The following CNPY1 variants were observed in gnomAD, a reference collection of about 807,000 sequenced individuals.
CNPY1 encodes the protein protein canopy homolog 1.
Under a neutral mutation model 14.4 loss-of-function variants are expected in CNPY1, and 14 were observed. The ratio of observed to expected loss-of-function variants is 0.97; its 90% confidence interval spans 0.64 to 1.52. The LOEUF is 1.52. Among genes scored for constraint, CNPY1 ranks in the 40% most tolerant of loss-of-function variants. The pLI, the probability that CNPY1 is intolerant of heterozygous loss-of-function variation, is 0.00. For synonymous variants in CNPY1, 43 were observed against 46.5 expected, an observed-to-expected ratio of 0.92 and a Z score of 0.31; for missense variants, 129 against 131.5, an observed-to-expected ratio of 0.98 and a Z score of 0.09.
rs528656087 is a variant in CNPY1, at chr7:155,530,954, C to T, written c.99+14877G>A. The stretch of plus-strand genomic sequence containing the variant: ...CCAGTTGAGAACCACTGGCATAGAA[C>T]CTAGGTCCAAAAGTAGAAACTTGGG... On this transcript the variant is annotated intron_variant, in intron 2 of 4. Coordinates refer to ENST00000636446, the MANE Select transcript of CNPY1 (RefSeq NM_001393663.1). 9.8e-5 allele frequency among the ~76,000 whole-genome samples: 15 copies of T among 152,344 alleles called. No individual in the cohort carries two copies. In the South Asian group the frequency reaches 3.1e-3, roughly 32 times the overall value.
intron 2 of CNPY1, among the ~76,000 whole-genome samples, chr7:155,512,769 A>G (rs1387060654): frequency 6.6e-6 from 1 of 152,246 alleles, no homozygotes; most frequent in Non-Finnish European, 1.5e-5. Flanking sequence ...ACAACCTCCA[A>G]TAAATTTCAC....
intron 2 of CNPY1, among the ~76,000 whole-genome samples, chr7:155,527,162 C>T (rs1460168682): frequency 1.3e-5 from 2 of 150,942 alleles, no homozygotes; most frequent in Non-Finnish European, 2.9e-5. Flanking sequence ...AGCGATGCTC[C>T]TGCCTCAGCC....
chr7:155,502,951 G>A lies in CNPY1; in HGVS notation c.*117C>T, dbSNP rs971227141. ...ATGAATCATAAACGGAGACAAACACGGTATAAACAAGAGACAAAATTTTTC... is the reference window on the plus strand; with the variant it reads ...ATGAATCATAAACGGAGACAAACACAGTATAAACAAGAGACAAAATTTTTC... On this transcript the variant is annotated 3_prime_UTR_variant, in exon 5 of 5. Transcript: ENST00000636446. 8.3e-5 allele frequency: 68 copies of A among 816,716 alleles called. No homozygotes were observed. In the African/African-American group the frequency reaches 9.3e-4, roughly 11 times the overall value. 50.6% of individuals were successfully genotyped at this position (816,716 alleles called of 1,614,324 possible).
At chr7:155,520,887 G>A (rs1029383433) in intron 2 of CNPY1, among the ~76,000 whole-genome samples, 1 of 152,130 alleles carries the variant, frequency 6.6e-6, no homozygotes, top group African/African-American at 2.4e-5. Flanking sequence ...AGCACTTTGG[G>A]AGGCCGAGGC....
chr7:155,515,637 T>C (rs1199295862), intron 2 of CNPY1, among the ~76,000 whole-genome samples: 1 of 151,588 alleles, frequency 6.6e-6, no homozygotes, highest in Non-Finnish European at 1.5e-5. Context: ...AACGAGGAGA[T>C]TCGGGGATTT....
chr7:155,532,708 T>G (rs983549292), intron 2 of CNPY1, among the ~76,000 whole-genome samples: 2 of 152,232 alleles, frequency 1.3e-5, no homozygotes, highest in Non-Finnish European at 2.9e-5. Context: ...GAGAATTTTT[T>G]TTTTCAATCA....
intron 2 of CNPY1, among the ~76,000 whole-genome samples, chr7:155,522,939 C>T (rs1339854505): frequency 6.6e-6 from 1 of 152,184 alleles, no homozygotes; most frequent in African/African-American, 2.4e-5. Context: ...ATCCAGCCTC[C>T]CTGTATGGGA....
chr7:155,504,213 T>C (rs1039012659), intron 4 of CNPY1, among the ~76,000 whole-genome samples: 3 of 152,236 alleles, frequency 2.0e-5, no homozygotes, highest in African/African-American at 7.2e-5. Flanking sequence ...CACAGATTCA[T>C]TTGTAATCCT....
chr7:155,507,918 T>C (rs1796383697), intron 3 of CNPY1, among the ~76,000 whole-genome samples: 1 of 152,270 alleles, frequency 6.6e-6, no homozygotes, highest in Non-Finnish European at 1.5e-5. Context: ...AAATGTTTAA[T>C]GGCATTTTAA....
intron 4 of CNPY1, among the ~76,000 whole-genome samples, chr7:155,505,644 T>C (rs1000267620): frequency 6.6e-6 from 1 of 152,228 alleles, no homozygotes; most frequent in Non-Finnish European, 1.5e-5. Context: ...TAGCAGTGGA[T>C]CTGCGTTTGT....
Position 155,501,981 on chromosome 7 carries a change from A to C in CNPY1, c.*1087T>G, listed in dbSNP as rs1238142074. On this transcript the variant is annotated 3_prime_UTR_variant, in exon 5 of 5. Transcript: ENST00000636446. ...TAAGCAACTAAGTAACAATATGGCA[A>C]AGAGTTTTGGGTCGGGGGGGTTGGG... 2.8e-5 allele frequency: 2 copies of C among 70,676 alleles called. No individual in the cohort carries two copies. Among genetic ancestry groups the C allele is most frequent in the African/African-American group, 1.3e-4 (2 of 15,528 alleles). 4.4% of individuals were successfully genotyped at this position (70,676 alleles called of 1,614,324 possible).
chr7:155,511,581 ATATGT>A (rs1245918812), intron 2 of CNPY1, among the ~76,000 whole-genome samples: 5 of 152,212 alleles, frequency 3.3e-5, no homozygotes, highest in Non-Finnish European at 7.3e-5. Flanking sequence ...TTTAACACAA[ATATGT>A]TATGGCAAGG....
rs185822031 is a variant in CNPY1, at chr7:155,514,824, G to A, written c.100-5727C>T. Reference sequence around the variant, plus strand: ...CGGGAGAATCGCTTGAACCCGGGAGGTGGAGGTTGCGGTGAGCCGAGATCG... The same window carrying A: ...CGGGAGAATCGCTTGAACCCGGGAGATGGAGGTTGCGGTGAGCCGAGATCG... On this transcript the variant is annotated intron_variant, in intron 2 of 4. Coordinates refer to ENST00000636446, the MANE Select transcript of CNPY1 (RefSeq NM_001393663.1). 6.6e-3 allele frequency among the ~76,000 whole-genome samples: 1,007 copies of A among 152,272 alleles called. 6 individuals are homozygous for A. The highest frequency in any genetic ancestry group is 0.023 in the African/African-American group (969 of 41,554).
chr7:155,528,865 C>T (rs550392150), intron 2 of CNPY1, among the ~76,000 whole-genome samples: 1 of 152,192 alleles, frequency 6.6e-6, no homozygotes, highest in South Asian at 2.1e-4. Context: ...TCAAGACCAT[C>T]CTGGCTAACA....
chr7:155,509,443 T>C (rs936256747), intron 2 of CNPY1, among the ~76,000 whole-genome samples: 1 of 152,048 alleles, frequency 6.6e-6, no homozygotes, highest in African/African-American at 2.4e-5. Context: ...AAATGGCAGT[T>C]ATTATCCATC....
At chr7:155,532,494 G>T (rs756522990) in intron 2 of CNPY1, among the ~76,000 whole-genome samples, 8 of 152,132 alleles carry the variant, frequency 5.3e-5, no homozygotes, top group African/African-American at 1.7e-4. Flanking sequence ...GGTGGTGGGC[G>T]CCTGTAGTCC....
intron 2 of CNPY1, among the ~76,000 whole-genome samples, chr7:155,516,505 A>G (rs1796624768): frequency 6.6e-6 from 1 of 152,146 alleles, no homozygotes; most frequent in Non-Finnish European, 1.5e-5. Context: ...GGACCTCAAT[A>G]GGAACTCTCA....
At chr7:155,505,310 G>A (rs1433624481) in intron 4 of CNPY1, among the ~76,000 whole-genome samples, 5 of 152,168 alleles carry the variant, frequency 3.3e-5, no homozygotes, top group Non-Finnish European at 5.9e-5. Flanking sequence ...GCTGTTCATA[G>A]TGGTAAGGAC....
At chr7:155,545,217 G>A (rs542149966) in intron 2 of CNPY1, among the ~76,000 whole-genome samples, 2 of 152,296 alleles carry the variant, frequency 1.3e-5, no homozygotes, top group South Asian at 4.1e-4. Flanking sequence ...GCTGAAATTG[G>A]CTTATGTGTT....
Sources: allele counts gnomAD v4.1 joint callset (sites outside exome capture counted in the v4.1 genomes callset), GRCh38; gene constraint gnomAD v4.1.1; transcripts MANE v1.5; gene names NCBI Gene and HGNC (gene_info 2026-07-23, HGNC 2026-07-21).